CYP2J2: variants seen among roughly 807,000 people sequenced by gnomAD.
CYP2J2 encodes cytochrome P450 family 2 subfamily J member 2.
In CYP2J2, 41 loss-of-function variants were observed where a neutral mutation model predicts 48.8. That is an observed-to-expected ratio of 0.84 (90% CI 0.66 to 1.09). The LOEUF (loss-of-function observed/expected upper bound fraction) is 1.09. Among genes scored for constraint, CYP2J2 ranks in the 50% least tolerant of loss-of-function variants. The pLI is 0.00. For missense variants in CYP2J2, 644 were observed against 617.3 expected, an observed-to-expected ratio of 1.04 and a Z score of -0.46; for synonymous variants, 221 against 227.1, an observed-to-expected ratio of 0.97 and a Z score of 0.24.
chr1:59,927,255 T>C (rs1402825285), upstream of CYP2J2, among the ~76,000 whole-genome samples: 1 of 152,160 alleles, frequency 6.6e-6, no homozygotes, highest in Non-Finnish European at 1.5e-5. Flanking sequence ...CTGAAACACA[T>C]CTAAACGAGG....
At chr1:59,928,830 G>A (rs191712645), upstream of CYP2J2, among the ~76,000 whole-genome samples, 635 of 152,338 alleles carry the variant, frequency 4.2e-3, 6 homozygotes, top group African/African-American at 0.015. Context: ...GTAATTCTAT[G>A]AGAACAAGAG....
chr1:59,930,071 TG>T, upstream of CYP2J2, among the ~76,000 whole-genome samples: 1 of 152,262 alleles, frequency 6.6e-6, no homozygotes, highest in African/African-American at 2.4e-5. Context: ...ACGGCCGACT[TG>T]TAATTAGAGA....
Position 59,909,966 on chromosome 1 carries a change from T to C in CYP2J2, c.685-6A>G. The C allele has an allele frequency of 6.3e-7, 1 of 1,593,750 alleles. No individual in the cohort carries two copies. Among genetic ancestry groups the C allele is most frequent in the South Asian group, 1.2e-5 (1 of 86,712 alleles). Reference sequence around the variant, plus strand: ...CATGGAAAGACATTGTAGAGCTAATTGAGAAAAACAAAACAATCATGCAGA... The same window carrying C: ...CATGGAAAGACATTGTAGAGCTAATCGAGAAAAACAAAACAATCATGCAGA... On this transcript the variant is annotated splice_polypyrimidine_tract_variant and splice_region_variant and intron_variant, in intron 4 of 8. Transcript: ENST00000371204.
intron 4 of CYP2J2, among the ~76,000 whole-genome samples, chr1:59,910,830 G>C (rs1335370057): frequency 6.6e-6 from 1 of 152,092 alleles, no homozygotes; most frequent in African/African-American, 2.4e-5. Flanking sequence ...ACCGAGCAGA[G>C]TTTTTGACAA....
At chr1:59,966,403 C>A in the CYP2J2 span, among the ~76,000 whole-genome samples, 1 of 151,958 alleles carries the variant, frequency 6.6e-6, no homozygotes, top group African/African-American at 2.4e-5. Context: ...TCAAGCAATC[C>A]CATGATGTAG....
chr1:59,942,476 A>C, the CYP2J2 span, among the ~76,000 whole-genome samples: 2 of 152,100 alleles, frequency 1.3e-5, no homozygotes, highest in Non-Finnish European at 2.9e-5. Flanking sequence ...GCAATGTTTC[A>C]GGGTTGGAGG....
chr1:59,967,035 C>T, the CYP2J2 span, among the ~76,000 whole-genome samples: 1 of 152,260 alleles, frequency 6.6e-6, no homozygotes, highest in South Asian at 2.1e-4. Context: ...CCAACCTTCT[C>T]TGTTTTTCTC....
the CYP2J2 span, among the ~76,000 whole-genome samples, chr1:59,938,311 C>G: frequency 6.6e-6 from 1 of 152,180 alleles, no homozygotes; most frequent in African/African-American, 2.4e-5. Flanking sequence ...GCACTGGCAC[C>G]GGTCTCTGAG....
chr1:59,920,810 T>C (rs532652469), intron 1 of CYP2J2, among the ~76,000 whole-genome samples: 5 of 152,266 alleles, frequency 3.3e-5, no homozygotes, highest in African/African-American at 1.2e-4. Flanking sequence ...ATTTAACTTT[T>C]CTCTGTCTTA....
chr1:59,913,595 C>A (rs1478972281), intron 2 of CYP2J2, among the ~76,000 whole-genome samples: 2 of 152,170 alleles, frequency 1.3e-5, no homozygotes, highest in Admixed American at 6.5e-5. Context: ...CTTCTCCCTG[C>A]ACCTACATCA....
In CYP2J2 at chr1:59,893,480, G is replaced by A. The variant is rs904683585; in HGVS notation, c.*171C>T. The A allele has an allele frequency of 1.6e-5, 8 of 500,810 alleles. No individual in the cohort carries two copies. The highest frequency in any genetic ancestry group is 3.9e-5 in the African/African-American group (2 of 51,512). The allele number at this position is 500,810 out of a possible 1,614,324, so 31.0% of individuals were successfully genotyped here. ...TAAATGATTTTCCCAAGGCTAATTCGGACGAGACAGTAGAGCTGGGATTTG... is the reference window on the plus strand; with the variant it reads ...TAAATGATTTTCCCAAGGCTAATTCAGACGAGACAGTAGAGCTGGGATTTG... On this transcript the variant is annotated 3_prime_UTR_variant, in exon 9 of 9. Transcript: ENST00000371204.
chr1:59,943,133 A>G, the CYP2J2 span, among the ~76,000 whole-genome samples: 5 of 152,306 alleles, frequency 3.3e-5, no homozygotes, highest in African/African-American at 1.2e-4. Context: ...GGACGTGTCA[A>G]GTAGAAAGCT....
chr1:59,950,732 T>C, the CYP2J2 span, among the ~76,000 whole-genome samples: 2 of 152,176 alleles, frequency 1.3e-5, no homozygotes, highest in South Asian at 2.1e-4. Context: ...GTGCACTGCC[T>C]GCTGTGGCTC....
intron 1 of CYP2J2, among the ~76,000 whole-genome samples, chr1:59,922,065 G>A (rs1574261759): frequency 3.3e-5 from 5 of 152,248 alleles, no homozygotes; most frequent in Admixed American, 1.3e-4. Flanking sequence ...CCAGAAGGTC[G>A]TGACCCCCCT....
the CYP2J2 span, among the ~76,000 whole-genome samples, chr1:59,947,197 C>CA: frequency 1.3e-5 from 2 of 152,130 alleles, no homozygotes; most frequent in Non-Finnish European, 2.9e-5. Context: ...GGTTAGGCTA[C>CA]ACAATGTGCT....
At position 59,904,966 on chromosome 1, in the gene CYP2J2, T is replaced by C. The variant is rs139196488; in HGVS notation, c.1096A>G (p.Ile366Val). The change falls in exon 7 of 9, where the codon ATC becomes GTC. Residue 366 changes from isoleucine (I) to valine (V), a missense_variant. Transcript: ENST00000371204. ...RESMPYTNAV[I>V]HEVQRMGNII... The stretch of plus-strand genomic sequence containing the variant: ...TTGCCCATTCTCTGCACCTCATGGA[T>C]GACAGCATTGGTGTAGGGCATGGAC... The C allele has an allele frequency of 5.3e-5, 85 of 1,613,634 alleles. No individual in the cohort carries two copies. In the African/African-American group the frequency reaches 1.0e-3, roughly 20 times the overall value.
At chr1:59,916,911 A>C (rs1376723861) in intron 1 of CYP2J2, among the ~76,000 whole-genome samples, 1 of 152,110 alleles carries the variant, frequency 6.6e-6, no homozygotes, top group Non-Finnish European at 1.5e-5. Flanking sequence ...TTAGTAAATC[A>C]TAACTATCTG....
At chr1:59,924,037 A>G (rs1406007107) in intron 1 of CYP2J2, among the ~76,000 whole-genome samples, 1 of 152,128 alleles carries the variant, frequency 6.6e-6, no homozygotes, top group Non-Finnish European at 1.5e-5. Flanking sequence ...AAAAACAAAG[A>G]AAATTTCTTG....
rs111798172 is a variant in CYP2J2 at position 59,912,250 on chromosome 1, T to G, written c.435A>C (p.Leu145=). Residue 145 remains leucine (L), a synonymous_variant, in exon 3 of 9, where the codon CTA becomes CTC. Coordinates refer to ENST00000371204, the MANE Select transcript of CYP2J2 (RefSeq NM_000775.4). ...KEQRRFTLTA[L]RNFGLGKKSL... ...TCTTCTTTCCTAAACCAAAGTTCCTTAGTGCTGTCAGAGTGAACCTTCTTT... is the reference window on the plus strand; with the variant it reads ...TCTTCTTTCCTAAACCAAAGTTCCTGAGTGCTGTCAGAGTGAACCTTCTTT... 4.1e-5 allele frequency: 66 copies of G among 1,613,782 alleles called. 1 individual carries two copies. In the African/African-American group the frequency reaches 5.3e-4, roughly 13 times the overall value.
Sources: allele counts gnomAD v4.1 joint callset (sites outside exome capture counted in the v4.1 genomes callset), GRCh38; gene constraint gnomAD v4.1.1; transcripts MANE v1.5; gene names NCBI Gene and HGNC (gene_info 2026-07-23, HGNC 2026-07-21).